Variants in SLC2A13 observed in about 807,000 individuals in gnomAD.
SLC2A13 encodes the protein solute carrier family 2 member 13, also known as proton myo-inositol cotransporter.
Under a neutral mutation model 64.4 loss-of-function variants are expected in SLC2A13, and 32 were observed. That is an observed-to-expected ratio of 0.50 (90% CI 0.37 to 0.67). SLC2A13 has a LOEUF of 0.67. SLC2A13 is among the 30% of genes least tolerant of loss of function. The probability of loss-of-function intolerance (pLI) is 0.00; values close to 1 mark genes in which losing one functional copy is unlikely to be tolerated. For missense variants in SLC2A13, 743 were observed against 829.2 expected, an observed-to-expected ratio of 0.90 and a Z score of 1.28; for synonymous variants, 338 against 327.1, an observed-to-expected ratio of 1.03 and a Z score of -0.36.
chr12:39,956,504 A>T (rs1047863889), intron 3 of SLC2A13, among the ~76,000 whole-genome samples: 1 of 152,214 alleles, frequency 6.6e-6, no homozygotes, highest in East Asian at 1.9e-4. Context: ...AAAAAGCTTC[A>T]CCAATAATCT....
At chr12:39,795,222 T>C (rs898302142) in intron 7 of SLC2A13, among the ~76,000 whole-genome samples, 34 of 151,870 alleles carry the variant, frequency 2.2e-4, no homozygotes, top group African/African-American at 7.5e-4. Flanking sequence ...GTGTCACATC[T>C]TTTTTTTAAT....
chr12:39,874,546 C>T (rs929481336), intron 4 of SLC2A13, among the ~76,000 whole-genome samples: 8 of 145,414 alleles, frequency 5.5e-5, no homozygotes, highest in Admixed American at 1.4e-4. Flanking sequence ...ACCTGGGAGG[C>T]GAAGATTGCA....
At chr12:39,944,927 T>G (rs188718104) in intron 4 of SLC2A13, among the ~76,000 whole-genome samples, 1 of 152,342 alleles carries the variant, frequency 6.6e-6, no homozygotes, top group East Asian at 1.9e-4. Flanking sequence ...GTTTTTTCTT[T>G]TTAATGTGCA....
intron 7 of SLC2A13, 70 bp from the exon 8 acceptor site, chr12:39,764,928 A>T: frequency 1.3e-6 from 2 of 1,517,058 alleles, no homozygotes; most frequent in Non-Finnish European, 1.8e-6. Flanking sequence ...CAATATGATC[A>T]TATTTATGTA....
intron 7 of SLC2A13, among the ~76,000 whole-genome samples, chr12:39,821,303 G>C (rs1324545896): frequency 1.3e-5 from 2 of 151,972 alleles, no homozygotes; most frequent in African/African-American, 4.8e-5. Context: ...CCAGCTACTC[G>C]GGAGGCTGAG....
intron 3 of SLC2A13, among the ~76,000 whole-genome samples, chr12:40,022,392 G>A (rs1244225900): frequency 6.6e-6 from 1 of 152,200 alleles, no homozygotes; most frequent in Non-Finnish European, 1.5e-5. Flanking sequence ...ACATTAGCTA[G>A]TGCCTCTGGG....
In SLC2A13 at chr12:40,028,348, T is replaced by C. The variant is rs1202382989; in HGVS notation, c.878A>G (p.Asp293Gly). Reference sequence around the variant, plus strand: ...CTCTTCAATGTTGTTTTTGATGCTATCATATTCCTCATCAATGGTCTGGTT... The same window carrying C: ...CTCTTCAATGTTGTTTTTGATGCTACCATATTCCTCATCAATGGTCTGGTT... ...RGNQTIDEEYDSIKNNIEEEE... is the reference protein window; with the variant it reads ...RGNQTIDEEYGSIKNNIEEEE... Residue 293 changes from aspartate to glycine, a missense_variant, in exon 3 of 10, where the codon GAT becomes GGT. Physicochemically the swap from Asp to Gly is moderately conservative, Grantham distance 94. Around this residue, in one of 2 missense-constraint regions of SLC2A13, gnomAD observed 448 missense variants for 447.4 expected, o/e 1.00. Transcript: ENST00000280871. The C allele has an allele frequency of 6.2e-7, 1 of 1,613,982 alleles. No homozygotes were observed. Among genetic ancestry groups the C allele is most frequent in the African/African-American group, 1.3e-5 (1 of 74,920 alleles).
At chr12:39,762,205 A>G (rs1201326792) in intron 9 of SLC2A13, among the ~76,000 whole-genome samples, 1 of 152,044 alleles carries the variant, frequency 6.6e-6, no homozygotes, top group Non-Finnish European at 1.5e-5. Context: ...GACCTGGTCC[A>G]TGTCATGGTC....
chr12:39,936,730 G>A (rs1372375143), intron 4 of SLC2A13, among the ~76,000 whole-genome samples: 2 of 152,128 alleles, frequency 1.3e-5, no homozygotes, highest in East Asian at 1.9e-4. Flanking sequence ...CTAAAGGCTC[G>A]GGCAGCCAAC....
intron 7 of SLC2A13, among the ~76,000 whole-genome samples, chr12:39,803,321 G>C (rs980689762): frequency 2.0e-5 from 3 of 151,878 alleles, no homozygotes; most frequent in Non-Finnish European, 2.9e-5. Flanking sequence ...CAAAATGCAT[G>C]AGGAAACAAT....
At chr12:39,787,838 C>T (rs1238857306) in intron 7 of SLC2A13, among the ~76,000 whole-genome samples, 1 of 152,126 alleles carries the variant, frequency 6.6e-6, no homozygotes, top group African/African-American at 2.4e-5. Flanking sequence ...CCAAATGCAT[C>T]AAGTTTACTG....
At chr12:39,764,931 T>G (rs1940293578) in intron 7 of SLC2A13, 73 bp from the exon 8 acceptor site, 1 of 1,515,134 alleles carries the variant, frequency 6.6e-7, no homozygotes, top group African/African-American at 1.4e-5. Flanking sequence ...TATGATCATA[T>G]TTATGTATTT....
At chr12:39,848,354 G>C (rs1474773204) in intron 6 of SLC2A13, among the ~76,000 whole-genome samples, 1 of 152,134 alleles carries the variant, frequency 6.6e-6, no homozygotes, top group Non-Finnish European at 1.5e-5. Context: ...CCATTAAAAA[G>C]TGGACAAAGG....
chr12:40,093,491 G>A (rs748007464), intron 1 of SLC2A13, among the ~76,000 whole-genome samples: 86 of 152,318 alleles, frequency 5.6e-4, no homozygotes, highest in Middle Eastern at 3.4e-3. Flanking sequence ...CACTCTAGTG[G>A]AGAGAAAACA....
chr12:40,024,357 C>A (rs968450935), intron 3 of SLC2A13, among the ~76,000 whole-genome samples: 5 of 152,176 alleles, frequency 3.3e-5, no homozygotes, highest in Admixed American at 2.6e-4. Flanking sequence ...GGTACATGTA[C>A]ACTTTGTAGC....
chr12:39,924,978 C>T (rs950041124), intron 4 of SLC2A13, among the ~76,000 whole-genome samples: 1 of 150,224 alleles, frequency 6.7e-6, no homozygotes, highest in Non-Finnish European at 1.5e-5. Context: ...GGGAGCATGA[C>T]ATAAAACATA....
rs71434303 is a variant in SLC2A13, at chr12:39,960,744, C to CTTTTT, written c.926-9384_926-9380dup. On this transcript the variant is annotated intron_variant, in intron 3 of 9. Coordinates refer to ENST00000280871, the MANE Select transcript of SLC2A13 (RefSeq NM_052885.4). ...GTGAAAAATGGTTTCCTGTCTCATT[C>CTTTTT]TTTTTTTTTTTTTTTTTTTTCAAGA... Among the ~76,000 whole-genome samples, 33 of 108,830 alleles carry CTTTTT rather than the reference C, an allele frequency of 3.0e-4. 5 individuals are homozygous for CTTTTT. The highest frequency in any genetic ancestry group is 4.9e-4 in the Non-Finnish European group (28 of 57,186). The allele number at this position is 108,830 out of a possible 152,430, so 71.4% of individuals were successfully genotyped here.
chr12:39,967,057 G>C (rs1946531685), intron 3 of SLC2A13, among the ~76,000 whole-genome samples: 1 of 152,122 alleles, frequency 6.6e-6, no homozygotes, highest in Admixed American at 6.6e-5. Context: ...AAGGGAGTCA[G>C]GATGTGTCTA....
At chr12:40,079,071 A>T (rs143379857) in intron 1 of SLC2A13, among the ~76,000 whole-genome samples, 17 of 152,272 alleles carry the variant, frequency 1.1e-4, no homozygotes, top group Non-Finnish European at 2.1e-4. Flanking sequence ...TCTTTCGAAG[A>T]ACCAACTTTT....
Sources: allele counts gnomAD v4.1 joint callset (sites outside exome capture counted in the v4.1 genomes callset), GRCh38; gene constraint gnomAD v4.1.1; regional missense constraint gnomAD v4.1.1; transcripts MANE v1.5; gene names NCBI Gene and HGNC (gene_info 2026-07-23, HGNC 2026-07-21).